Variants in NTN1 observed in about 807,000 individuals in gnomAD.
NTN1 encodes netrin 1, also known as netrin-1.
Under a neutral mutation model 54.2 loss-of-function variants are expected in NTN1, and 11 were observed. The ratio of observed to expected loss-of-function variants is 0.20; its 90% CI spans 0.13 to 0.34. The LOEUF (loss-of-function observed/expected upper bound fraction) is 0.34, where lower values mean the gene tolerates loss of function less well. Ranked by LOEUF, NTN1 falls within the 10% of genes least tolerant of loss-of-function variation. NTN1 has a pLI of 1.00. For missense variants in NTN1, 740 were observed against 893.1 expected, an observed-to-expected ratio of 0.83 and a Z score of 2.18; for synonymous variants, 371 against 382.0, an observed-to-expected ratio of 0.97 and a Z score of 0.33.
Position 9,022,877 on chromosome 17 carries a change from G to A in NTN1, c.504G>A (p.Gly168=), listed in dbSNP as rs1202099782. The A allele has an allele frequency of 1.2e-5, 20 of 1,612,204 alleles. No homozygotes were observed. Among genetic ancestry groups the A allele is most frequent in the Non-Finnish European group, 1.7e-5 (20 of 1,179,908 alleles). The change falls in exon 2 of 7, where the codon GGG becomes GGA. Residue 168 remains glycine, a synonymous_variant. Transcript: ENST00000173229. The part of the protein sequence containing the change: ...SMAIYKSMDY[G]RTWVPFQFYS... The stretch of plus-strand genomic sequence containing the variant: ...CCATCTACAAGTCCATGGACTACGG[G>A]CGCACGTGGGTGCCCTTCCAGTTCT...
At chr17:9,047,460 TG>T (rs2091944642) in intron 2 of NTN1, among the ~76,000 whole-genome samples, 1 of 152,192 alleles carries the variant, frequency 6.6e-6, no homozygotes. Flanking sequence ...CCACTTTCTT[TG>T]TCATCCATAA....
intron 6 of NTN1, among the ~76,000 whole-genome samples, chr17:9,236,645 C>T (rs1301937433): frequency 6.6e-6 from 1 of 152,206 alleles, no homozygotes. Context: ...CTGAGATCTG[C>T]TGGGGGTGGA....
intron 2 of NTN1, among the ~76,000 whole-genome samples, chr17:9,088,144 G>T (rs1310651964): frequency 6.6e-6 from 1 of 152,238 alleles, no homozygotes; most frequent in Non-Finnish European, 1.5e-5. Flanking sequence ...GAGCCACCCA[G>T]TGGGGACAGG....
At chr17:9,038,775 T>A (rs1462047533) in intron 2 of NTN1, among the ~76,000 whole-genome samples, 3 of 152,174 alleles carry the variant, frequency 2.0e-5, no homozygotes, top group Non-Finnish European at 4.4e-5. Context: ...CTTTTATTTC[T>A]TATGAGATCT....
At chr17:9,042,786 CAAA>C (rs774209137) in intron 2 of NTN1, among the ~76,000 whole-genome samples, 5 of 116,818 alleles carry the variant, frequency 4.3e-5, no homozygotes, top group Admixed American at 9.0e-5. Flanking sequence ...GACTCCATCT[CAAA>C]AAAAAAAAAA....
At chr17:9,114,718 C>T (rs1391485090) in intron 2 of NTN1, among the ~76,000 whole-genome samples, 3 of 152,182 alleles carry the variant, frequency 2.0e-5, no homozygotes, top group Non-Finnish European at 4.4e-5. Context: ...TGTGCCGCTG[C>T]ACTCCAGCCT....
chr17:9,071,080 T>C (rs551918696), intron 2 of NTN1, among the ~76,000 whole-genome samples: 126 of 152,296 alleles, frequency 8.3e-4, no homozygotes, highest in Non-Finnish European at 1.5e-3. Context: ...CCCGCAGACC[T>C]CACTTCCTCC....
intron 2 of NTN1, among the ~76,000 whole-genome samples, chr17:9,040,630 T>A (rs577089975): frequency 1.4e-4 from 22 of 152,200 alleles, no homozygotes; most frequent in Non-Finnish European, 2.8e-4. Context: ...TAATGGTATA[T>A]ATAATAATGG....
intron 5 of NTN1, among the ~76,000 whole-genome samples, chr17:9,220,205 T>G (rs1253966584): frequency 6.6e-6 from 1 of 152,154 alleles, no homozygotes; most frequent in Non-Finnish European, 1.5e-5. Flanking sequence ...TGGCTTACCC[T>G]CTTTGAGCCT....
At chr17:9,231,941 A>G (rs929946777) in intron 6 of NTN1, among the ~76,000 whole-genome samples, 5 of 151,566 alleles carry the variant, frequency 3.3e-5, no homozygotes, top group African/African-American at 1.2e-4. Flanking sequence ...CCACCCTCCT[A>G]CTGGGTGGTT....
rs1005567113 is a variant in NTN1, at chr17:9,235,842, C to T, written c.1487-3798C>T. ...TGATCTTGGCTCACTGCAACCTCTGCCTCTTGGGCTCAAGCAATTCTGCCT... is the reference window on the plus strand; with the variant it reads ...TGATCTTGGCTCACTGCAACCTCTGTCTCTTGGGCTCAAGCAATTCTGCCT... On this transcript the variant is annotated intron_variant, in intron 6 of 6. Transcript: ENST00000173229. Among the ~76,000 whole-genome samples, 2 of 151,660 alleles carry T rather than the reference C, an allele frequency of 1.3e-5. 1 individual carries two copies. The highest frequency in any genetic ancestry group is 1.3e-4 in the Admixed American group (2 of 15,230).
intron 2 of NTN1, among the ~76,000 whole-genome samples, chr17:9,067,148 T>C (rs1050074949): frequency 6.6e-6 from 1 of 151,586 alleles, no homozygotes; most frequent in Non-Finnish European, 1.5e-5. Context: ...ACACCTGTAG[T>C]CTCAGCTACC....
chr17:9,068,289 C>T (rs1228404877), intron 2 of NTN1, among the ~76,000 whole-genome samples: 2 of 152,038 alleles, frequency 1.3e-5, no homozygotes, highest in African/African-American at 4.8e-5. Context: ...TTAAGTGATC[C>T]TCCCTCCTCA....
intron 2 of NTN1, among the ~76,000 whole-genome samples, chr17:9,122,543 C>T (rs1188774128): frequency 6.6e-6 from 1 of 152,106 alleles, no homozygotes; most frequent in Non-Finnish European, 1.5e-5. Context: ...CATTAAACAC[C>T]AAGCAGTGGT....
intron 3 of NTN1, 123 bp downstream of exon 3, chr17:9,163,124 T>C: frequency 1.2e-6 from 1 of 853,662 alleles, no homozygotes; most frequent in Non-Finnish European, 1.8e-6. Context: ...TCTGAGGTCA[T>C]CTCTCTCTCT....
At position 9,054,511 on chromosome 17, in the gene NTN1, T is replaced by C. The variant is rs187317029; in HGVS notation, c.1018+31120T>C. ...TATAATGGGGATATTCATCTTGCCT[T>C]GTAGAGGGGGGTCTTTTACTGGAAT... On this transcript the variant is annotated intron_variant, in intron 2 of 6. Coordinates refer to ENST00000173229, the MANE Select transcript of NTN1 (RefSeq NM_004822.3). Among the ~76,000 whole-genome samples the C allele has an allele frequency of 3.3e-3, 504 of 152,320 alleles. 4 individuals are homozygous for C. The highest frequency in any genetic ancestry group is 0.011 in the African/African-American group (466 of 41,582).
intron 2 of NTN1, among the ~76,000 whole-genome samples, chr17:9,084,471 G>A (rs537399428): frequency 9.9e-5 from 15 of 152,164 alleles, no homozygotes; most frequent in South Asian, 4.2e-4. Context: ...CGCTGTCACC[G>A]GGTGGCCCTT....
chr17:9,189,497 A>G (rs1383241028), intron 5 of NTN1, among the ~76,000 whole-genome samples: 1 of 152,136 alleles, frequency 6.6e-6, no homozygotes, highest in Non-Finnish European at 1.5e-5. Flanking sequence ...GATTATAGGC[A>G]CGTGCCACTA....
chr17:9,241,915 C>T lies in NTN1; in HGVS notation c.*1947C>T, dbSNP rs1187287918. ...GCTCTGCAGCCTACCCGCCCAATCC[C>T]TGTGCAGGCTGGGAGGGTGCTCTTG... On this transcript the variant is annotated 3_prime_UTR_variant, in exon 7 of 7. Coordinates refer to ENST00000173229, the MANE Select transcript of NTN1 (RefSeq NM_004822.3). 1 of 152,314 alleles carries T rather than the reference C, an allele frequency of 6.6e-6. No homozygotes were observed. Among genetic ancestry groups the T allele is most frequent in the Non-Finnish European group, 1.5e-5 (1 of 68,100 alleles). 9.4% of individuals were successfully genotyped at this position (152,314 alleles called of 1,614,324 possible).
Sources: gnomAD v4.1 joint callset for allele counts (sites outside exome capture counted in the v4.1 genomes callset) on GRCh38, gnomAD v4.1.1 for gene constraint, MANE v1.5 for transcripts, NCBI Gene and HGNC (gene_info 2026-07-23, HGNC 2026-07-21) for gene names.